SFMBT2: variants seen among roughly 807,000 people sequenced by gnomAD.
SFMBT2 encodes scm-like with four MBT domains protein 2.
In SFMBT2, 38 loss-of-function variants were observed where a neutral mutation model predicts 110.1. That is an observed-to-expected ratio of 0.35 (90% CI 0.27 to 0.45). SFMBT2 has a LOEUF of 0.45. SFMBT2 is among the 20% of genes least tolerant of loss of function. The pLI, the probability that SFMBT2 is intolerant of heterozygous loss-of-function variation, is 1.00. For synonymous variants in SFMBT2, 425 were observed against 425.4 expected, an observed-to-expected ratio of 1.00 and a Z score of 0.01; for missense variants, 1,011 against 1,094.9, an observed-to-expected ratio of 0.92 and a Z score of 1.08.
chr10:7,280,741 C>T (rs1027712750), intron 6 of SFMBT2, among the ~76,000 whole-genome samples: 7 of 152,142 alleles, frequency 4.6e-5, no homozygotes, highest in African/African-American at 1.7e-4. Flanking sequence ...TTTCTTTCCC[C>T]TCCTCCTTCC....
At chr10:7,180,837 A>C (rs1404947680) in intron 16 of SFMBT2, among the ~76,000 whole-genome samples, 2 of 152,184 alleles carry the variant, frequency 1.3e-5, no homozygotes, top group African/African-American at 2.4e-5. Context: ...CCAAAGGTGG[A>C]GAGCACAGGC....
chr10:7,360,823 G>A (rs374491271), intron 4 of SFMBT2, among the ~76,000 whole-genome samples: 35 of 152,228 alleles, frequency 2.3e-4, no homozygotes, highest in African/African-American at 7.7e-4. Flanking sequence ...AAAACCATGG[G>A]AATTGTTGTA....
chr10:7,318,915 T>A (rs548027419), intron 4 of SFMBT2, among the ~76,000 whole-genome samples: 2 of 152,334 alleles, frequency 1.3e-5, no homozygotes, highest in Non-Finnish European at 2.9e-5. Flanking sequence ...CATGCAATTA[T>A]CTGAGGGAAG....
At chr10:7,393,033 ATAAT>A (rs1845823901) in intron 1 of SFMBT2, among the ~76,000 whole-genome samples, 6 of 25,158 alleles carry the variant, frequency 2.4e-4, no homozygotes, top group East Asian at 1.3e-3. Flanking sequence ...ATATATATAT[ATAAT>A]TTTTTTTTTT....
rs114156728 is a variant in SFMBT2, at chr10:7,290,900, C to T, written c.437-4946G>A. On this transcript the variant is annotated intron_variant, in intron 4 of 20. Transcript: ENST00000397167. ...GTCCCATATAAAGGCAGAAGATTAGCATCACTTTTTCAGAATTTGGGAAAA... is the reference window on the plus strand; with the variant it reads ...GTCCCATATAAAGGCAGAAGATTAGTATCACTTTTTCAGAATTTGGGAAAA... Among the ~76,000 whole-genome samples the T allele has an allele frequency of 8.6e-3, 1,312 of 152,274 alleles. 18 individuals carry two copies. Among genetic ancestry groups the T allele is most frequent in the African/African-American group, 0.023 (960 of 41,554 alleles).
In SFMBT2 at chr10:7,220,544, G is replaced by C; in HGVS notation, c.1204-7C>G. ...AACCTCGACTGAATGATGTCTGCAA[G>C]AGAAACGAGACCAACACTGAGCCAG... On this transcript the variant is annotated splice_region_variant and splice_polypyrimidine_tract_variant and intron_variant, in intron 10 of 20. Coordinates refer to ENST00000397167, the MANE Select transcript of SFMBT2 (RefSeq NM_001387889.1). 6.2e-7 allele frequency: 1 copy of C among 1,614,014 alleles called. No individual in the cohort carries two copies. Among genetic ancestry groups the C allele is most frequent in the South Asian group, 1.1e-5 (1 of 91,056 alleles).
rs540827840 is a variant in SFMBT2, at chr10:7,159,511, G to A, written c.*4259C>T. 24 of 152,252 alleles carry A rather than the reference G, an allele frequency of 1.6e-4. No homozygotes were observed. Among genetic ancestry groups the A allele is most frequent in the Admixed American group, 1.4e-3 (22 of 15,294 alleles). The allele number at this position is 152,252 out of a possible 1,614,324, so 9.4% of individuals were successfully genotyped here. ...AAAGAATTATTGAATTATAATAGTT[G>A]CCAATACAGATTTCCTTTGCTATTT... On this transcript the variant is annotated 3_prime_UTR_variant, in exon 21 of 21. Coordinates refer to ENST00000397167, the MANE Select transcript of SFMBT2 (RefSeq NM_001387889.1).
At chr10:7,327,549 C>T (rs569199145) in intron 4 of SFMBT2, among the ~76,000 whole-genome samples, 5 of 152,142 alleles carry the variant, frequency 3.3e-5, no homozygotes, top group Admixed American at 6.5e-5. Flanking sequence ...GGTGTGGTAG[C>T]GTGTGCCTGT....
At chr10:7,405,520 C>T (rs1035107540) in intron 1 of SFMBT2, among the ~76,000 whole-genome samples, 1 of 152,194 alleles carries the variant, frequency 6.6e-6, no homozygotes, top group Non-Finnish European at 1.5e-5. Context: ...CAGCAGGGAC[C>T]CACAGCTCAG....
At chr10:7,315,083 A>AGAAAGAAG (rs1424811600) in intron 4 of SFMBT2, among the ~76,000 whole-genome samples, 1 of 146,028 alleles carries the variant, frequency 6.8e-6, no homozygotes, top group Non-Finnish European at 1.5e-5. Context: ...AAAGAAAGAA[A>AGAAAGAAG]GAAAGAAAGA....
intron 1 of SFMBT2, among the ~76,000 whole-genome samples, chr10:7,394,687 C>G (rs1250578991): frequency 2.0e-5 from 3 of 152,048 alleles, no homozygotes; most frequent in Non-Finnish European, 2.9e-5. Context: ...CAATTCAAAT[C>G]CAAATTTTTC....
Position 7,214,578 on chromosome 10 carries a change from C to T in SFMBT2, c.1330+5833G>A, listed in dbSNP as rs1313669087. 4 of 985,358 alleles carry T rather than the reference C, an allele frequency of 4.1e-6. No homozygotes were observed. The African/African-American group carries it at 7.0e-5, about 17-fold the overall frequency. The allele number at this position is 985,358 out of a possible 1,614,324, so 61.0% of individuals were successfully genotyped here. ...GAAATTCTACGGACTTATGGGATCC[C>T]CATACTGCTCCTCAAACACACTTGC... On this transcript the variant is annotated intron_variant, in intron 11 of 20. Transcript: ENST00000397167.
intron 1 of SFMBT2, among the ~76,000 whole-genome samples, chr10:7,387,923 T>C (rs1845658420): frequency 6.9e-6 from 1 of 144,170 alleles, no homozygotes; most frequent in Non-Finnish European, 1.5e-5. Flanking sequence ...CACTCCAGCC[T>C]GGACGACAGA....
intron 4 of SFMBT2, among the ~76,000 whole-genome samples, chr10:7,307,658 C>T (rs1158246758): frequency 6.6e-6 from 1 of 152,224 alleles, no homozygotes; most frequent in Non-Finnish European, 1.5e-5. Flanking sequence ...GCTATATGCA[C>T]TGCCTGAAAA....
chr10:7,376,706 A>AAC (rs1845221404), intron 2 of SFMBT2, among the ~76,000 whole-genome samples: 1 of 139,798 alleles, frequency 7.2e-6, no homozygotes, highest in African/African-American at 2.7e-5. Context: ...CTCAAAAAAA[A>AAC]AAAAAAAAAA....
At chr10:7,187,275 C>T (rs1395689014) in intron 16 of SFMBT2, among the ~76,000 whole-genome samples, 1 of 152,140 alleles carries the variant, frequency 6.6e-6, no homozygotes, top group Non-Finnish European at 1.5e-5. Flanking sequence ...AGGATTTCTC[C>T]ATTATAAACA....
intron 4 of SFMBT2, among the ~76,000 whole-genome samples, chr10:7,336,714 G>A (rs1393386373): frequency 1.3e-5 from 2 of 152,102 alleles, no homozygotes; most frequent in African/African-American, 2.4e-5. Context: ...AATGACTAGG[G>A]AACTAACATT....
intron 9 of SFMBT2, 116 bp downstream of exon 9, chr10:7,243,442 C>G (rs1306133197): frequency 1.4e-6 from 1 of 701,658 alleles, no homozygotes; most frequent in Non-Finnish European, 2.5e-6. Context: ...CCTATTTCTA[C>G]TACATCTAAA....
intron 1 of SFMBT2, among the ~76,000 whole-genome samples, chr10:7,391,306 G>C (rs773941336): frequency 2.7e-5 from 4 of 150,116 alleles, no homozygotes; most frequent in Non-Finnish European, 5.9e-5. Context: ...TCTCTATTAA[G>C]AATAGAAAAA....
Sources: gnomAD v4.1 joint callset for allele counts (sites outside exome capture counted in the v4.1 genomes callset) on GRCh38, gnomAD v4.1.1 for gene constraint, MANE v1.5 for transcripts, NCBI Gene and HGNC (gene_info 2026-07-23, HGNC 2026-07-21) for gene names.